The following MICAL3 variants were observed in gnomAD, a reference collection of about 807,000 sequenced individuals.
The protein encoded by MICAL3 is [F-actin]-monooxygenase MICAL3.
MICAL3 carries 62 observed loss-of-function variants against 207.4 expected under a neutral mutation model. The ratio of observed to expected loss-of-function variants is 0.30; its 90% CI spans 0.24 to 0.37. The LOEUF (loss-of-function observed/expected upper bound fraction) is 0.37, where lower values mean the gene tolerates loss of function less well. MICAL3 is among the 10% of genes least tolerant of loss of function. The pLI is 1.00. For missense variants in MICAL3, 2,368 were observed against 2,635.6 expected (o/e 0.90, Z 2.22); for synonymous variants, 1,077 against 1,069.3 (o/e 1.01, Z -0.14).
chr22:17,876,192 C>T (rs752309457), intron 16 of MICAL3, among the ~76,000 whole-genome samples: 4 of 152,214 alleles, frequency 2.6e-5, no homozygotes, highest in Non-Finnish European at 5.9e-5. Context: ...CGTAACAAAA[C>T]TGGGCAAGGG....
In MICAL3 at chr22:17,865,959, T is replaced by G; in HGVS notation, c.2482A>C (p.Arg828=). 6.2e-7 allele frequency: 1 copy of G among 1,614,008 alleles called. No homozygotes were observed. The change falls in exon 18 of 32, where the codon AGG becomes CGG. Residue 828 remains arginine, a synonymous_variant. Coordinates refer to ENST00000441493, the MANE Select transcript of MICAL3 (RefSeq NM_015241.3). Reference sequence around the variant, plus strand: ...AGGGGAGCCACTGCCGGTCTCTTCCTTTGTGCGTAGCCAGAGAGTCGATAG... The same window carrying G: ...AGGGGAGCCACTGCCGGTCTCTTCCGTTGTGCGTAGCCAGAGAGTCGATAG... The part of the protein sequence containing the change: ...YCYRLSGYAQ[R]KRPAVAPLSG...
rs372315420 is a variant in MICAL3 at position 17,818,488 on chromosome 22, C to G, written c.4173G>C (p.Leu1391=). 3.1e-6 allele frequency: 5 copies of G among 1,612,934 alleles called. No homozygotes were observed. The highest frequency in any genetic ancestry group is 4.2e-6 in the Non-Finnish European group (5 of 1,179,884). The change falls in exon 26 of 32, where the codon CTG becomes CTC. Residue 1391 remains leucine (L), a synonymous_variant. Coordinates refer to ENST00000441493, the MANE Select transcript of MICAL3 (RefSeq NM_015241.3). ...KPLSIPKRLG[L]PKPEGEPLSL... ...ACAACGGCTCGCCTTCCGGCTTTGG[C>G]AGGCCCAGCCTTTTGGGGATGGACA...
intron 19 of MICAL3, chr22:17,863,945 G>GA (rs1185765355): frequency 4.0e-5 from 39 of 985,330 alleles, no homozygotes; most frequent in Non-Finnish European, 4.6e-5. Context: ...TGAACAAGAG[G>GA]AAAGTGTGAC....
chr22:17,864,940 C>T lies in MICAL3; in HGVS notation c.2564G>A (p.Gly855Glu). ...LQDGATTDAN[G>E]RANAVASSTE... The stretch of plus-strand genomic sequence containing the variant: ...GGAGCTGGCCACGGCGTTGGCCCGT[C>T]CGTTTGCATCTGTGGTGGCGCCATC... Residue 855 changes from glycine to glutamate, a missense_variant, in exon 19 of 32, where the codon GGA (glycine) becomes GAA (glutamate). Physicochemically the swap from Gly to Glu is moderately conservative, Grantham distance 98. Coordinates refer to ENST00000441493, the MANE Select transcript of MICAL3 (RefSeq NM_015241.3). 1.2e-6 allele frequency: 2 copies of T among 1,613,546 alleles called. No homozygotes were observed.
chr22:17,877,459 G>T (rs930834160), intron 16 of MICAL3, among the ~76,000 whole-genome samples: 854 of 65,392 alleles, frequency 0.013, 1 homozygote, highest in African/African-American at 0.057. Context: ...ATGGAGGTTA[G>T]GGAGATTATG....
intron 16 of MICAL3, among the ~76,000 whole-genome samples, chr22:17,884,675 C>T (rs1199962572): frequency 6.6e-6 from 1 of 151,890 alleles, no homozygotes; most frequent in East Asian, 2.0e-4. Context: ...TATTCCCATC[C>T]AAAATGAGGA....
rs141278223 is a variant in MICAL3, at chr22:17,858,329, C to A, written c.2605+6570G>T. The A allele has an allele frequency of 2.5e-3, 758 of 299,504 alleles. 3 individuals are homozygous for A. The highest frequency in any genetic ancestry group is 0.016 in the African/African-American group (699 of 44,226). The allele number at this position is 299,504 out of a possible 1,614,324, so 18.6% of individuals were successfully genotyped here. On this transcript the variant is annotated intron_variant, in intron 19 of 31. Transcript: ENST00000441493. ...GGGCAGGAGTGCCAATGGGCCTCACCACCCCTTGTTTCATTATGACTAATC... is the reference window on the plus strand; with the variant it reads ...GGGCAGGAGTGCCAATGGGCCTCACAACCCCTTGTTTCATTATGACTAATC...
chr22:17,810,304 C>T (rs1230694021), intron 28 of MICAL3, among the ~76,000 whole-genome samples: 2 of 152,072 alleles, frequency 1.3e-5, no homozygotes. Context: ...ACCTTGTGAT[C>T]CGCCCGCCTT....
At position 17,868,269 on chromosome 22, in the gene MICAL3, C is replaced by T. The variant is rs374288590; in HGVS notation, c.2429-2257G>A. 4.6e-5 allele frequency among the ~76,000 whole-genome samples: 7 copies of T among 152,190 alleles called. No homozygotes were observed. In the South Asian group the frequency reaches 6.2e-4, roughly 14 times the overall value. On this transcript the variant is annotated intron_variant, in intron 17 of 31. Coordinates refer to ENST00000441493, the MANE Select transcript of MICAL3 (RefSeq NM_015241.3). ...GGCACAAGTCACGTGTACGCATCTC[C>T]CCATATCCTTTCCCAAACTCAACAC...
chr22:17,936,426 G>C (rs1695731595), intron 1 of MICAL3, among the ~76,000 whole-genome samples: 2 of 152,100 alleles, frequency 1.3e-5, no homozygotes, highest in African/African-American at 4.8e-5. Context: ...GGCCTGTCGT[G>C]GGGTAGGGGA....
intron 1 of MICAL3, among the ~76,000 whole-genome samples, chr22:17,939,892 C>T (rs1316814707): frequency 2.0e-5 from 3 of 152,150 alleles, no homozygotes; most frequent in Non-Finnish European, 4.4e-5. Context: ...ACATCGGGAC[C>T]AGCAACACTA....
intron 1 of MICAL3, among the ~76,000 whole-genome samples, chr22:17,919,439 G>C (rs1370692385): frequency 2.0e-5 from 3 of 152,208 alleles, no homozygotes; most frequent in Non-Finnish European, 4.4e-5. Context: ...TTTATTCACT[G>C]TTGCGTCCTT....
chr22:17,873,375 C>T (rs1927927499), intron 16 of MICAL3, among the ~76,000 whole-genome samples: 1 of 152,276 alleles, frequency 6.6e-6, no homozygotes, highest in African/African-American at 2.4e-5. Context: ...GTCGCCAGCT[C>T]TTCCTGCTTC....
At chr22:17,987,013 A>G (rs1921093734) in intron 1 of MICAL3, among the ~76,000 whole-genome samples, 2 of 152,178 alleles carry the variant, frequency 1.3e-5, no homozygotes, top group African/African-American at 4.8e-5. Context: ...CTGAGGCAGG[A>G]GAATCATTGA....
In MICAL3 at chr22:17,901,005, G is replaced by C; in HGVS notation, c.692-8C>G. On this transcript the variant is annotated splice_region_variant and splice_polypyrimidine_tract_variant and intron_variant, in intron 5 of 31. Coordinates refer to ENST00000441493, the MANE Select transcript of MICAL3 (RefSeq NM_015241.3). ...ATTCTTTCCGACGAAACCCTGGAGG[G>C]AAATAAATTTTCAGAGGTGATAATC... The C allele has an allele frequency of 6.2e-7, 1 of 1,613,732 alleles. No individual in the cohort carries two copies. The highest frequency in any genetic ancestry group is 8.5e-7 in the Non-Finnish European group (1 of 1,179,658).
At chr22:17,838,955 CTTTTTTT>C (rs869097812) in intron 20 of MICAL3, among the ~76,000 whole-genome samples, 15 of 88,434 alleles carry the variant, frequency 1.7e-4, no homozygotes, top group African/African-American at 6.5e-4. Flanking sequence ...CCCCTAGATG[CTTTTTTT>C]TTTTTTTTTT....
chr22:17,906,558 A>C lies in MICAL3; in HGVS notation c.255T>G (p.Thr85=). The C allele has an allele frequency of 6.2e-7, 1 of 1,611,382 alleles. No individual in the cohort carries two copies. The highest frequency in any genetic ancestry group is 8.5e-7 in the Non-Finnish European group (1 of 1,178,004). ...CAGGAGCAAAGCTTACCTTGGTGTT[A>C]GTGCACGCTTTTCCCTTTTTGTAGT... ...HKDYKKGKAC[T]NTKCLIIGAG... Residue 85 remains threonine (T), a synonymous_variant, in exon 2 of 32, where the codon ACT becomes ACG. Coordinates refer to ENST00000441493, the MANE Select transcript of MICAL3 (RefSeq NM_015241.3).
At chr22:17,850,175 G>C (rs1318811468) in intron 19 of MICAL3, among the ~76,000 whole-genome samples, 1 of 152,078 alleles carries the variant, frequency 6.6e-6, no homozygotes, top group Non-Finnish European at 1.5e-5. Flanking sequence ...CAATATGCTA[G>C]AGAGGCCAAA....
At chr22:17,864,304 G>A in intron 19 of MICAL3, 3 of 1,094,650 alleles carry the variant, frequency 2.7e-6, no homozygotes, top group Non-Finnish European at 3.3e-6. Context: ...AGTGGCCAAG[G>A]GGTCAGGACA....
Sources: allele counts gnomAD v4.1 joint callset (sites outside exome capture counted in the v4.1 genomes callset), GRCh38; gene constraint gnomAD v4.1.1; transcripts MANE v1.5; gene names NCBI Gene and HGNC (gene_info 2026-07-23, HGNC 2026-07-21).